RUFY2: variants seen among roughly 807,000 people sequenced by gnomAD.
RUFY2 encodes RUN and FYVE domain-containing protein 2.
In RUFY2, 49 loss-of-function variants were observed where a neutral mutation model predicts 94.4. The ratio of observed to expected loss-of-function variants is 0.52; its 90% confidence interval spans 0.41 to 0.66. The LOEUF is 0.66. Among genes scored for constraint, RUFY2 ranks in the 30% least tolerant of loss-of-function variants. RUFY2 has a pLI of 0.00. For missense variants in RUFY2, 541 were observed against 692.8 expected, an observed-to-expected ratio of 0.78 and a Z score of 2.46; for synonymous variants, 255 against 235.7, an observed-to-expected ratio of 1.08 and a Z score of -0.75.
At chr10:68,377,833 A>T in intron 12 of RUFY2, 1 of 985,368 alleles carries the variant, frequency 1.0e-6, no homozygotes, top group Non-Finnish European at 1.2e-6. Context: ...CGGTTCAACT[A>T]ACTAAAAAAC....
At chr10:68,391,816 A>C (rs2050010437) in intron 7 of RUFY2, among the ~76,000 whole-genome samples, 1 of 151,106 alleles carries the variant, frequency 6.6e-6, no homozygotes, top group East Asian at 2.0e-4. Flanking sequence ...AAAAAAATTA[A>C]CTGTGCGTGG....
chr10:68,354,111 G>C lies in RUFY2; in HGVS notation c.1599+1242C>G, dbSNP rs138553090. ...AAGGGCAAGGGAGTGAAGAACAAGA[G>C]ACTGCTACCATCATCATCATTATTA... On this transcript the variant is annotated intron_variant, in intron 16 of 17. Coordinates refer to ENST00000602465, the MANE Select transcript of RUFY2 (RefSeq NM_001330103.2). Among the ~76,000 whole-genome samples the C allele has an allele frequency of 1.7e-3, 260 of 152,234 alleles. 1 individual carries two copies. Among genetic ancestry groups the C allele is most frequent in the African/African-American group, 5.9e-3 (244 of 41,562 alleles).
At chr10:68,366,932 G>A (rs1003271494) in intron 13 of RUFY2, among the ~76,000 whole-genome samples, 1 of 146,726 alleles carries the variant, frequency 6.8e-6, no homozygotes. Flanking sequence ...CACTTTCAGA[G>A]GCCGAGGCGT....
chr10:68,399,197 C>G (rs560547110), intron 3 of RUFY2, among the ~76,000 whole-genome samples: 1 of 152,152 alleles, frequency 6.6e-6, no homozygotes, highest in African/African-American at 2.4e-5. Context: ...GCGTGCACCA[C>G]CACACCCAGC....
intron 10 of RUFY2, among the ~76,000 whole-genome samples, chr10:68,381,766 C>T (rs1465320743): frequency 6.6e-6 from 1 of 152,078 alleles, no homozygotes; most frequent in East Asian, 1.9e-4. Flanking sequence ...AAGAATCACT[C>T]GAACCCAGGA....
At chr10:68,405,481 T>C (rs368175655) in intron 1 of RUFY2, 4 of 972,762 alleles carry the variant, frequency 4.1e-6, no homozygotes, top group East Asian at 2.3e-4. Context: ...AATGATCTTC[T>C]ATGGAGATAA....
At chr10:68,342,208 A>G (rs2046009847), downstream of RUFY2, 2 of 556,652 alleles carry the variant, frequency 3.6e-6, no homozygotes, top group Non-Finnish European at 6.2e-6. Flanking sequence ...TTGTGATGGG[A>G]AAATGTTTTC....
At position 68,407,191 on chromosome 10, in the gene RUFY2, G is replaced by A. The variant is rs1409888896; in HGVS notation, c.-2C>T. The stretch of plus-strand genomic sequence containing the variant: ...TTTCGGCCCGCTCGCCTTACCCATG[G>A]CGGCGGCGGCTGCGCGGTCTCGGGC... On this transcript the variant is annotated 5_prime_UTR_variant, in exon 1 of 18. Coordinates refer to ENST00000602465, the MANE Select transcript of RUFY2 (RefSeq NM_001330103.2). The A allele has an allele frequency of 2.1e-6, 3 of 1,399,332 alleles. No homozygotes were observed. Among genetic ancestry groups the A allele is most frequent in the Non-Finnish European group, 2.8e-6 (3 of 1,081,262 alleles). 86.7% of individuals were successfully genotyped at this position (1,399,332 alleles called of 1,614,324 possible). A position where few individuals can be genotyped will look rare whatever the true frequency, so the allele number is the denominator to read the frequency against.
chr10:68,364,858 ATTAT>A (rs1284855926), intron 13 of RUFY2, among the ~76,000 whole-genome samples: 13 of 151,992 alleles, frequency 8.6e-5, no homozygotes, highest in Middle Eastern at 3.4e-3. Context: ...AAACTCCTAA[ATTAT>A]TCTAACAGGT....
In RUFY2 at chr10:68,364,574, G is replaced by A. The variant is rs545381365; in HGVS notation, c.1326-461C>T. Among the ~76,000 whole-genome samples the A allele has an allele frequency of 7.3e-4, 111 of 152,152 alleles. 1 individual carries two copies. The highest frequency in any genetic ancestry group is 8.8e-5 in the Non-Finnish European group (6 of 68,028). On this transcript the variant is annotated intron_variant, in intron 13 of 17. Coordinates refer to ENST00000602465, the MANE Select transcript of RUFY2 (RefSeq NM_001330103.2). ...GCTAAATCAGTTTAACTTCAGTAAC[G>A]GCAAAATCAGCCCTGTTGCAGAGTG...
chr10:68,390,934 AT>A lies in RUFY2; in HGVS notation c.650+2203del, dbSNP rs576388613. On this transcript the variant is annotated intron_variant, in intron 7 of 17. Coordinates refer to ENST00000602465, the MANE Select transcript of RUFY2 (RefSeq NM_001330103.2). ...TGCATGAGCCATCACACCTGGCCTA[AT>A]TTTTTTTTTTTTTTTTTGAGATGGA... Among the ~76,000 whole-genome samples the A allele has an allele frequency of 0.02, 2,537 of 124,086 alleles. 139 individuals carry two copies. In the East Asian group the frequency reaches 0.24, roughly 12 times the overall value. The allele number at this position is 124,086 out of a possible 152,430, so 81.4% of individuals were successfully genotyped here. A position where few individuals can be genotyped will look rare whatever the true frequency, so the allele number is the denominator to read the frequency against.
At chr10:68,365,687 T>C (rs2047757125) in intron 13 of RUFY2, among the ~76,000 whole-genome samples, 1 of 152,242 alleles carries the variant, frequency 6.6e-6, no homozygotes, top group African/African-American at 2.4e-5. Flanking sequence ...AGCAGTTTAG[T>C]GATGTTTTTG....
intron 11 of RUFY2, 52 bp downstream of exon 11, chr10:68,381,180 A>G: frequency 6.8e-7 from 1 of 1,462,594 alleles, no homozygotes; most frequent in Non-Finnish European, 9.3e-7. Flanking sequence ...AAACCTTTCT[A>G]CAAATATTCA....
At chr10:68,400,778 T>TGA (rs1322282160) in intron 3 of RUFY2, among the ~76,000 whole-genome samples, 1 of 151,386 alleles carries the variant, frequency 6.6e-6, no homozygotes, top group Non-Finnish European at 1.5e-5. Flanking sequence ...TTTAGGAGGC[T>TGA]GAGGCAGGCG....
At chr10:68,341,372 C>G (rs2045923827), downstream of RUFY2, 4 of 1,518,094 alleles carry the variant, frequency 2.6e-6, no homozygotes, top group African/African-American at 2.8e-5. Flanking sequence ...ATAAGAGGCT[C>G]TAAGATCTGT....
In RUFY2 at chr10:68,343,427, G is replaced by GTT. The variant is rs756324817; in HGVS notation, c.*2339_*2340dup. On this transcript the variant is annotated 3_prime_UTR_variant, in exon 18 of 18. Coordinates refer to ENST00000602465, the MANE Select transcript of RUFY2 (RefSeq NM_001330103.2). ...CCTGTCTTTTTTGAAAGTTGTATGT[G>GTT]TTTTATTTTCCCAGGATTACTCTCT... is the stretch of plus-strand genomic sequence containing the variant. 6.6e-6 allele frequency: 1 copy of GTT among 152,458 alleles called. No individual in the cohort carries two copies. Among genetic ancestry groups the GTT allele is most frequent in the Non-Finnish European group, 1.5e-5 (1 of 67,974 alleles). 9.4% of individuals were successfully genotyped at this position (152,458 alleles called of 1,614,324 possible).
chr10:68,349,782 C>A (rs1472253181), intron 16 of RUFY2, among the ~76,000 whole-genome samples: 1 of 152,008 alleles, frequency 6.6e-6, no homozygotes, highest in Non-Finnish European at 1.5e-5. Flanking sequence ...TCGTGATCTG[C>A]CCGCCTCAGC....
At chr10:68,377,634 T>C (rs2048764727) in intron 12 of RUFY2, 1 of 985,388 alleles carries the variant, frequency 1.0e-6, no homozygotes, top group South Asian at 4.7e-5. Context: ...AAAAATTAGC[T>C]AAAACATTGT....
chr10:68,375,835 C>A (rs142178556), intron 13 of RUFY2, among the ~76,000 whole-genome samples: 1 of 151,356 alleles, frequency 6.6e-6, no homozygotes, highest in East Asian at 1.9e-4. Context: ...CAGTGGCTCA[C>A]GCCTGTAATC....
Sources: allele counts gnomAD v4.1 joint callset (sites outside exome capture counted in the v4.1 genomes callset), GRCh38; gene constraint gnomAD v4.1.1; transcripts MANE v1.5; gene names NCBI Gene and HGNC (gene_info 2026-07-23, HGNC 2026-07-21).